The following ZNF385D variants were observed in gnomAD, a reference collection of about 807,000 sequenced individuals.
ZNF385D encodes zinc finger protein 385D.
A neutral mutation model predicts 35.8 loss-of-function variants in ZNF385D; 15 were observed. The observed-to-expected ratio is 0.42, with a 90% CI of 0.28 to 0.64. The LOEUF (loss-of-function observed/expected upper bound fraction) is 0.64. ZNF385D is among the 30% of genes least tolerant of loss of function. ZNF385D has a pLI of 0.23. For synonymous variants in ZNF385D, 212 were observed against 186.8 expected, an observed-to-expected ratio of 1.13 and a Z score of -1.10; for missense variants, 474 against 494.6, an observed-to-expected ratio of 0.96 and a Z score of 0.39.
intron 3 of ZNF385D, among the ~76,000 whole-genome samples, chr3:21,797,202 A>T (rs186011047): frequency 2.6e-5 from 4 of 152,372 alleles, no homozygotes; most frequent in Admixed American, 6.5e-5. Context: ...AGCAAAGAAT[A>T]CATACAAATG....
intron 2 of ZNF385D, among the ~76,000 whole-genome samples, chr3:22,272,700 G>A (rs1358179995): frequency 1.3e-5 from 2 of 151,930 alleles, no homozygotes; most frequent in African/African-American, 4.8e-5. Context: ...ATTGCATTAA[G>A]GATTTGGTAT....
chr3:22,177,487 T>G (rs1576450206), intron 2 of ZNF385D, among the ~76,000 whole-genome samples: 1 of 152,230 alleles, frequency 6.6e-6, no homozygotes, highest in South Asian at 2.1e-4. Context: ...AGCACTCGTT[T>G]AGCCACTTAG....
At chr3:22,268,594 A>C (rs1301274806) in intron 2 of ZNF385D, among the ~76,000 whole-genome samples, 2 of 152,064 alleles carry the variant, frequency 1.3e-5, no homozygotes, top group Admixed American at 6.6e-5. Flanking sequence ...TGTTCTAGTA[A>C]AATTTTAGTT....
At chr3:22,324,378 A>G (rs1222357313) in intron 2 of ZNF385D, among the ~76,000 whole-genome samples, 1 of 152,174 alleles carries the variant, frequency 6.6e-6, no homozygotes, top group Non-Finnish European at 1.5e-5. Context: ...ATATTTCAGC[A>G]AGGGGTCCAT....
intron 1 of ZNF385D, among the ~76,000 whole-genome samples, chr3:21,741,833 G>A (rs558454717): frequency 6.6e-6 from 1 of 152,104 alleles, no homozygotes; most frequent in South Asian, 2.1e-4. Flanking sequence ...GGAATCTCAG[G>A]GTTCCTGCCC....
intron 1 of ZNF385D, among the ~76,000 whole-genome samples, chr3:21,681,711 C>A (rs552557550): frequency 0.02 from 2,181 of 109,406 alleles, 47 homozygotes; most frequent in African/African-American, 0.061. Flanking sequence ...AAAAAAAAAA[C>A]AAACAAAAAA....
At chr3:21,802,265 G>A (rs373234288) in intron 3 of ZNF385D, among the ~76,000 whole-genome samples, 1 of 152,264 alleles carries the variant, frequency 6.6e-6, no homozygotes, top group East Asian at 1.9e-4. Flanking sequence ...CAAAAAAAGT[G>A]GGGAATAAGT....
At chr3:21,453,350 ATAAG>A (rs1307210023) in intron 4 of ZNF385D, among the ~76,000 whole-genome samples, 1 of 152,064 alleles carries the variant, frequency 6.6e-6, no homozygotes, top group Non-Finnish European at 1.5e-5. Flanking sequence ...GAGGAACAAA[ATAAG>A]TAATAGACTA....
chr3:21,993,414 C>T (rs1363074099), intron 3 of ZNF385D, among the ~76,000 whole-genome samples: 3 of 152,050 alleles, frequency 2.0e-5, no homozygotes, highest in Non-Finnish European at 2.9e-5. Flanking sequence ...CTGGTCTCTC[C>T]TAAATAATAA....
At chr3:21,497,078 G>A (rs1705957193) in intron 4 of ZNF385D, among the ~76,000 whole-genome samples, 1 of 152,006 alleles carries the variant, frequency 6.6e-6, no homozygotes, top group East Asian at 1.9e-4. Context: ...AGAAAGAAAA[G>A]GCATCTAAAT....
At chr3:21,662,674 TC>T (rs2066274999) in intron 2 of ZNF385D, among the ~76,000 whole-genome samples, 1 of 152,104 alleles carries the variant, frequency 6.6e-6, no homozygotes, top group Admixed American at 6.6e-5. Context: ...ACCTTGACCA[TC>T]ACTGGAAGGG....
chr3:21,897,405 G>A (rs929527845), intron 3 of ZNF385D, among the ~76,000 whole-genome samples: 1 of 152,144 alleles, frequency 6.6e-6, no homozygotes, highest in Non-Finnish European at 1.5e-5. Flanking sequence ...GTAGTCTCAT[G>A]ACTAGCTGCA....
intron 3 of ZNF385D, among the ~76,000 whole-genome samples, chr3:22,034,341 C>G (rs904760516): frequency 6.6e-6 from 1 of 152,162 alleles, no homozygotes; most frequent in African/African-American, 2.4e-5. Flanking sequence ...AAATGGCCCT[C>G]ATGAGAACCT....
intron 2 of ZNF385D, among the ~76,000 whole-genome samples, chr3:22,229,735 A>G (rs1349384196): frequency 3.3e-5 from 5 of 152,124 alleles, no homozygotes; most frequent in Non-Finnish European, 7.4e-5. Flanking sequence ...ACAAGTGGTC[A>G]CTCAAACATT....
At chr3:22,352,337 A>T (rs1426193212) in intron 2 of ZNF385D, among the ~76,000 whole-genome samples, 1 of 152,210 alleles carries the variant, frequency 6.6e-6, no homozygotes, top group Non-Finnish European at 1.5e-5. Context: ...TCACCAAGGC[A>T]TTGCAAAGCA....
At chr3:21,637,666 A>C (rs544103489) in intron 2 of ZNF385D, among the ~76,000 whole-genome samples, 1 of 152,234 alleles carries the variant, frequency 6.6e-6, no homozygotes, top group Non-Finnish European at 1.5e-5. Flanking sequence ...CACTAACACC[A>C]GTCCACATTT....
At chr3:21,951,674 G>A (rs1343447933) in intron 3 of ZNF385D, among the ~76,000 whole-genome samples, 1 of 151,532 alleles carries the variant, frequency 6.6e-6, no homozygotes, top group South Asian at 2.1e-4. Flanking sequence ...TCTTTAAAAA[G>A]TGAAGCTGTT....
At chr3:21,837,533 T>C (rs1458527314) in intron 3 of ZNF385D, among the ~76,000 whole-genome samples, 1 of 152,048 alleles carries the variant, frequency 6.6e-6, no homozygotes, top group Non-Finnish European at 1.5e-5. Flanking sequence ...TGACATGTTT[T>C]CTGCAACTTA....
intron 2 of ZNF385D, among the ~76,000 whole-genome samples, chr3:21,623,069 T>C (rs965543757): frequency 2.0e-5 from 3 of 152,150 alleles, no homozygotes; most frequent in Non-Finnish European, 4.4e-5. Flanking sequence ...GTTCAGATTT[T>C]ATACTGCCCT....
Sources: gnomAD v4.1 joint callset for allele counts (sites outside exome capture counted in the v4.1 genomes callset) on GRCh38, gnomAD v4.1.1 for gene constraint, MANE v1.5 for transcripts, NCBI Gene and HGNC (gene_info 2026-07-23, HGNC 2026-07-21) for gene names.